Variants in ZNF91 observed in about 807,000 individuals in gnomAD.
The protein encoded by ZNF91 is zinc finger protein 91 (HPF7, HTF10).
ZNF91 carries 7 observed loss-of-function variants against 12.6 expected under a neutral mutation model. The ratio of observed to expected loss-of-function variants is 0.55; its 90% CI spans 0.31 to 1.04. The LOEUF is 1.04. ZNF91 is among the 50% of genes least tolerant of loss of function. The pLI, the probability that ZNF91 is intolerant of heterozygous loss-of-function variation, is 0.05. For synonymous variants in ZNF91, 453 were observed against 462.6 expected (o/e 0.98, Z 0.27); for missense variants, 1,217 against 1,385.4 (o/e 0.88, Z 1.93).
At chr19:23,348,933 C>G (rs1367470049) in intron 3 of ZNF91, among the ~76,000 whole-genome samples, 2 of 152,120 alleles carry the variant, frequency 1.3e-5, no homozygotes, top group Non-Finnish European at 2.9e-5. Context: ...CTGGGAGTGT[C>G]TGTCTTATGC....
intron 3 of ZNF91, among the ~76,000 whole-genome samples, chr19:23,342,942 G>A (rs1254997600): frequency 3.3e-5 from 5 of 152,186 alleles, no homozygotes; most frequent in African/African-American, 4.8e-5. Flanking sequence ...GCCATGGGCA[G>A]AATTGTTAAT....
chr19:23,348,596 A>G (rs1006732665), intron 3 of ZNF91, among the ~76,000 whole-genome samples: 3 of 152,196 alleles, frequency 2.0e-5, no homozygotes, highest in African/African-American at 4.8e-5. Context: ...AATTGTTTGT[A>G]AAACATGTGT....
chr19:23,394,323 G>A (rs1280656434), intron 1 of ZNF91, among the ~76,000 whole-genome samples: 2 of 152,278 alleles, frequency 1.3e-5, no homozygotes, highest in South Asian at 4.1e-4. Context: ...AAACTCAAGA[G>A]CATTTTTTGG....
chr19:23,383,601 T>C (rs1160907735), intron 1 of ZNF91, among the ~76,000 whole-genome samples: 2 of 151,480 alleles, frequency 1.3e-5, no homozygotes, highest in Admixed American at 1.3e-4. Flanking sequence ...GGAAGGAGAA[T>C]CGCTTGAACC....
intron 1 of ZNF91, among the ~76,000 whole-genome samples, chr19:23,316,274 G>C (rs74791685): frequency 0.013 from 1,971 of 152,092 alleles, 23 homozygotes; most frequent in Middle Eastern, 0.034. Flanking sequence ...GTCCACAGTG[G>C]ATCTGGTGAC....
At chr19:23,341,415 T>C (rs1034375809) in intron 3 of ZNF91, among the ~76,000 whole-genome samples, 2 of 152,114 alleles carry the variant, frequency 1.3e-5, no homozygotes, top group Non-Finnish European at 2.9e-5. Context: ...GTTTATTATA[T>C]GAAAATGATA....
Position 23,361,822 on chromosome 19 carries a change from G to C in ZNF91, c.1157C>G (p.Ala386Gly). Reference protein sequence around the residue: ...KPYKCKECDKAFKRLSTLTKH... With the variant: ...KPYKCKECDKGFKRLSTLTKH... ...AGTAAGGGTTGAGAGTCGCTTAAAA[G>C]CTTTGTCACATTCTTTACATTTGTA... The change falls in exon 4 of 4, where the codon GCT (alanine) becomes GGT (glycine). Residue 386 changes from alanine to glycine, a missense_variant. Ala to Gly is a moderately conservative substitution (Grantham distance 60). Transcript: ENST00000300619. The C allele has an allele frequency of 6.2e-7, 1 of 1,604,736 alleles. No homozygotes were observed. Among genetic ancestry groups the C allele is most frequent in the Non-Finnish European group, 8.5e-7 (1 of 1,172,750 alleles).
chr19:23,324,503 A>T (rs1228273132), intron 1 of ZNF91: 1 of 99,146 alleles, frequency 1.0e-5, no homozygotes, highest in East Asian at 2.1e-4. Context: ...ATCCGGCCTA[A>T]CTCAGGCGGC....
chr19:23,347,351 T>C (rs1780102703), intron 3 of ZNF91, among the ~76,000 whole-genome samples: 1 of 152,146 alleles, frequency 6.6e-6, no homozygotes, highest in African/African-American at 2.4e-5. Flanking sequence ...GCAAGCTCCT[T>C]CAAGCTGCCA....
intron 1 of ZNF91, among the ~76,000 whole-genome samples, chr19:23,380,141 T>C (rs2145114861): frequency 6.6e-6 from 1 of 151,494 alleles, no homozygotes; most frequent in East Asian, 1.9e-4. Flanking sequence ...GCACCTGTAA[T>C]CCAAGCACTC....
Position 23,360,086 on chromosome 19 carries a change from G to A in ZNF91, c.2893C>T (p.Pro965Ser), listed in dbSNP as rs1451018786. The A allele has an allele frequency of 1.6e-5, 26 of 1,612,920 alleles. No homozygotes were observed. Among genetic ancestry groups the A allele is most frequent in the Non-Finnish European group, 2.1e-5 (25 of 1,179,946 alleles). ...THKIIHTGEK[P>S]YKCEECGKAF... ...TTGCCACATTCTTCACATTTGTAGG[G>A]TTTCTCTCCAGTATGAATTATCTTA... The change falls in exon 4 of 4, where the codon CCC (proline) becomes TCC (serine). Residue 965 changes from proline to serine, a missense_variant. Physicochemically the swap from Pro to Ser is moderately conservative, Grantham distance 74 (BLOSUM62 -1). Coordinates refer to ENST00000300619, the MANE Select transcript of ZNF91 (RefSeq NM_003430.4).
downstream of ZNF91, among the ~76,000 whole-genome samples, chr19:23,335,795 T>C (rs986890535): frequency 6.6e-6 from 1 of 152,150 alleles, no homozygotes; most frequent in African/African-American, 2.4e-5. Flanking sequence ...TGCCCTACCC[T>C]GCTTCAGCTC....
downstream of ZNF91, among the ~76,000 whole-genome samples, chr19:23,355,939 C>A (rs1968474009): frequency 6.6e-6 from 1 of 151,942 alleles, no homozygotes; most frequent in Admixed American, 6.6e-5. Flanking sequence ...CAAATCAAAC[C>A]CACAATGCGA....
At chr19:23,366,875 A>G (rs186586612) in intron 3 of ZNF91, among the ~76,000 whole-genome samples, 31 of 152,364 alleles carry the variant, frequency 2.0e-4, no homozygotes, top group Non-Finnish European at 3.1e-4. Context: ...CATCAATACC[A>G]TATTATAGAC....
chr19:23,338,376 A>G (rs1247141381), downstream of ZNF91: 3 of 152,158 alleles, frequency 2.0e-5, no homozygotes, highest in African/African-American at 7.2e-5. Context: ...GAGTGTTGAA[A>G]AAAAAGAAAA....
At position 23,384,970 on chromosome 19, in the gene ZNF91, G is replaced by A. The variant is rs115524132; in HGVS notation, c.31-10206C>T. On this transcript the variant is annotated intron_variant, in intron 1 of 3. Coordinates refer to ENST00000300619, the MANE Select transcript of ZNF91 (RefSeq NM_003430.4). ...GTTGCCAAGGCTTAGCTGCGAGCCC[G>A]TCATGGAGGAAAAAGGTCAGGAGAA... is the stretch of plus-strand genomic sequence containing the variant. 9.0e-4 allele frequency: 900 copies of A among 1,003,556 alleles called. 12 individuals are homozygous for A. The African/African-American group carries it at 0.013, about 14-fold the overall frequency. 62.2% of individuals were successfully genotyped at this position (1,003,556 alleles called of 1,614,324 possible).
At chr19:23,367,052 A>G (rs1969045311) in intron 3 of ZNF91, among the ~76,000 whole-genome samples, 1 of 151,850 alleles carries the variant, frequency 6.6e-6, no homozygotes, top group Admixed American at 6.5e-5. Context: ...CAACACATAG[A>G]GAGACCAAGG....
intron 1 of ZNF91, among the ~76,000 whole-genome samples, chr19:23,376,528 T>C (rs772932922): frequency 7.2e-4 from 109 of 152,198 alleles, no homozygotes; most frequent in Middle Eastern, 3.4e-3. Flanking sequence ...TAGCTGTGAT[T>C]ACAGGCATGC....
rs1968569721 is a variant in ZNF91, at chr19:23,358,700, G to A, written c.*703C>T. The A allele has an allele frequency of 6.4e-6, 1 of 157,284 alleles. No homozygotes were observed. The highest frequency in any genetic ancestry group is 2.0e-4 in the South Asian group (1 of 5,112). The allele number at this position is 157,284 out of a possible 1,614,324, so 9.7% of individuals were successfully genotyped here. On this transcript the variant is annotated 3_prime_UTR_variant, in exon 4 of 4. Coordinates refer to ENST00000300619, the MANE Select transcript of ZNF91 (RefSeq NM_003430.4). ...AAAGCTTGGCCACATTGTTCACACT[G>A]GTAGTTTTCTCCAGTATGAATTATC...
Sources: gnomAD v4.1 joint callset for allele counts (sites outside exome capture counted in the v4.1 genomes callset) on GRCh38, gnomAD v4.1.1 for gene constraint, MANE v1.5 for transcripts, NCBI Gene and HGNC (gene_info 2026-07-23, HGNC 2026-07-21) for gene names.